Variants in THRB observed in about 807,000 individuals in gnomAD.
THRB encodes thyroid hormone receptor beta, also known as nuclear receptor subfamily 1 group A member 2.
A neutral mutation model predicts 47.8 loss-of-function variants in THRB; 12 were observed. That is an observed-to-expected ratio of 0.25 (90% CI 0.16 to 0.41). THRB has a LOEUF of 0.41. Ranked by LOEUF, THRB falls within the 10% of genes least tolerant of loss-of-function variation. The pLI is 1.00. For synonymous variants in THRB, 218 were observed against 212.2 expected (o/e 1.03, Z -0.24); for missense variants, 348 against 589.2 (o/e 0.59, Z 4.24).
intron 4 of THRB, among the ~76,000 whole-genome samples, chr3:24,211,064 C>T (rs951899546): frequency 2.0e-5 from 3 of 151,712 alleles, no homozygotes; most frequent in Non-Finnish European, 4.4e-5. Context: ...CCAGGTGTGG[C>T]GGTAGGTTGC....
intron 1 of THRB, among the ~76,000 whole-genome samples, chr3:24,357,378 AAAAC>A (rs1356259188): frequency 5.0e-5 from 7 of 141,280 alleles, no homozygotes; most frequent in African/African-American, 1.5e-4. Flanking sequence ...AAAAAAACAA[AAAAC>A]AAACAAACAA....
chr3:24,239,823 G>C (rs2049294563), intron 3 of THRB, among the ~76,000 whole-genome samples: 1 of 152,152 alleles, frequency 6.6e-6, no homozygotes, highest in Admixed American at 6.5e-5. Flanking sequence ...CCTGGGGACA[G>C]TCATGCTGTA....
chr3:24,338,164 T>C (rs1418914189), intron 1 of THRB, among the ~76,000 whole-genome samples: 2 of 152,152 alleles, frequency 1.3e-5, no homozygotes, highest in African/African-American at 4.8e-5. Context: ...TATAAACATT[T>C]TGTCACCTGT....
At chr3:24,214,221 T>C (rs73823235) in intron 4 of THRB, among the ~76,000 whole-genome samples, 17 of 152,176 alleles carry the variant, frequency 1.1e-4, no homozygotes, top group Non-Finnish European at 1.9e-4. Context: ...GGGTCAGCAA[T>C]GCAGCTGTGG....
intron 2 of THRB, among the ~76,000 whole-genome samples, chr3:24,335,811 T>A (rs2062211324): frequency 6.6e-6 from 1 of 152,252 alleles, no homozygotes; most frequent in Non-Finnish European, 1.5e-5. Context: ...CTCTTCTTAG[T>A]TTCCTTATCT....
At chr3:24,161,323 T>C (rs2038780072) in intron 5 of THRB, among the ~76,000 whole-genome samples, 1 of 152,164 alleles carries the variant, frequency 6.6e-6, no homozygotes, top group African/African-American at 2.4e-5. Context: ...CACTTAACTA[T>C]TACATTTAAA....
intron 10 of THRB, 152 bp downstream of exon 10, chr3:24,127,347 C>G (rs1313380492): frequency 1.2e-6 from 1 of 801,072 alleles, no homozygotes; most frequent in African/African-American, 1.7e-5. Flanking sequence ...CCTTTAAGTT[C>G]CCAGTCCACT....
intron 1 of THRB, among the ~76,000 whole-genome samples, chr3:24,443,407 A>G (rs2071745876): frequency 6.6e-6 from 1 of 152,228 alleles, no homozygotes; most frequent in African/African-American, 2.4e-5. Context: ...AAAATTGCCC[A>G]TGAAAATATA....
intron 5 of THRB, among the ~76,000 whole-genome samples, chr3:24,155,037 T>A (rs973669642): frequency 3.3e-5 from 5 of 152,224 alleles, no homozygotes; most frequent in Non-Finnish European, 5.9e-5. Context: ...TCTCACCTCA[T>A]ACTACCCCAG....
At chr3:24,311,916 T>C (rs2057785616) in intron 2 of THRB, among the ~76,000 whole-genome samples, 1 of 152,236 alleles carries the variant, frequency 6.6e-6, no homozygotes, top group African/African-American at 2.4e-5. Context: ...CAATGGCTTA[T>C]AAGGCTTTGT....
chr3:24,248,049 C>A (rs1054510906), intron 3 of THRB, among the ~76,000 whole-genome samples: 3 of 152,060 alleles, frequency 2.0e-5, no homozygotes, highest in Non-Finnish European at 2.9e-5. Flanking sequence ...GAAAACCTTT[C>A]TTTTTGGATA....
At chr3:24,295,989 A>G (rs1386650684) in intron 3 of THRB, among the ~76,000 whole-genome samples, 7 of 152,210 alleles carry the variant, frequency 4.6e-5, no homozygotes, top group Admixed American at 4.6e-4. Context: ...TGGCTGCAGT[A>G]ATGGACAGCA....
intron 1 of THRB, among the ~76,000 whole-genome samples, chr3:24,397,706 C>T (rs1414850691): frequency 6.6e-6 from 1 of 151,704 alleles, no homozygotes; most frequent in East Asian, 1.9e-4. Context: ...CCTCAGCCTC[C>T]CAAGTAGTTG....
intron 4 of THRB, among the ~76,000 whole-genome samples, chr3:24,193,870 C>G (rs1268614367): frequency 6.6e-6 from 1 of 152,150 alleles, no homozygotes; most frequent in Non-Finnish European, 1.5e-5. Flanking sequence ...GGAACCAGCC[C>G]AAATGCCCAT....
At chr3:24,133,488 TAAATGAAGAAGTTG>T (rs1229913901) in intron 8 of THRB, 26 bp from the exon 9 acceptor site, 1 of 1,611,198 alleles carries the variant, frequency 6.2e-7, no homozygotes, top group Non-Finnish European at 8.5e-7. Context: ...AAGAAAGATT[TAAATGAAGAAGTTG>T]AAGGGAGCTT....
intron 1 of THRB, among the ~76,000 whole-genome samples, chr3:24,473,290 T>A (rs1694970855): frequency 1.3e-5 from 2 of 151,998 alleles, no homozygotes; most frequent in Non-Finnish European, 2.9e-5. Context: ...GTCTCAGGAC[T>A]CAGAAAACCA....
intron 1 of THRB, among the ~76,000 whole-genome samples, chr3:24,347,687 A>C (rs765923666): frequency 6.6e-6 from 1 of 151,790 alleles, no homozygotes; most frequent in Non-Finnish European, 1.5e-5. Flanking sequence ...ATAAAAAGAT[A>C]AGGGGATACA....
chr3:24,434,258 T>A (rs1325254946), intron 1 of THRB, among the ~76,000 whole-genome samples: 1 of 152,128 alleles, frequency 6.6e-6, no homozygotes, highest in Non-Finnish European at 1.5e-5. Flanking sequence ...GCTTTAAGGG[T>A]CCATATAGAT....
rs539561067 is a variant in THRB, at chr3:24,355,064, C to T, written c.-260-17693G>A. Reference sequence around the variant, plus strand: ...TACAAAGAAGAAAATAGTAACTTTCCAATGAGAAAACCCAACAGACAGCAC... The same window carrying T: ...TACAAAGAAGAAAATAGTAACTTTCTAATGAGAAAACCCAACAGACAGCAC... On this transcript the variant is annotated intron_variant, in intron 1 of 10. Coordinates refer to ENST00000646209, the MANE Select transcript of THRB (RefSeq NM_001354712.2). Among the ~76,000 whole-genome samples, 17 of 152,128 alleles carry T rather than the reference C, an allele frequency of 1.1e-4. No homozygotes were observed. In the South Asian group the frequency reaches 3.5e-3, roughly 32 times the overall value.
Sources: gnomAD v4.1 joint callset for allele counts (sites outside exome capture counted in the v4.1 genomes callset) on GRCh38, gnomAD v4.1.1 for gene constraint, MANE v1.5 for transcripts, NCBI Gene and HGNC (gene_info 2026-07-23, HGNC 2026-07-21) for gene names.